The following RNF150 variants were observed in gnomAD, a reference collection of about 807,000 sequenced individuals.
RNF150 encodes ring finger protein 150.
RNF150 carries 24 observed loss-of-function variants against 39.3 expected under a neutral mutation model. The observed-to-expected ratio is 0.61, with a 90% CI of 0.44 to 0.86. RNF150 has a LOEUF of 0.86. Ranked by LOEUF, RNF150 falls within the 40% of genes least tolerant of loss-of-function variation. The pLI is 0.00. For synonymous variants in RNF150, 255 were observed against 227.3 expected (o/e 1.12, Z -1.10); for missense variants, 502 against 587.8 (o/e 0.85, Z 1.51).
At chr4:141,046,729 A>G (rs1736589649) in intron 1 of RNF150, among the ~76,000 whole-genome samples, 1 of 152,130 alleles carries the variant, frequency 6.6e-6, no homozygotes, top group Non-Finnish European at 1.5e-5. Context: ...CATTTATTCC[A>G]TTGATTAGGG....
At chr4:141,118,996 G>C (rs1353552463) in intron 1 of RNF150, among the ~76,000 whole-genome samples, 1 of 152,050 alleles carries the variant, frequency 6.6e-6, no homozygotes, top group African/African-American at 2.4e-5. Flanking sequence ...CCTGACCTCA[G>C]GTGATCCACT....
chr4:141,163,107 C>CTTGG (rs1727542834), intron 1 of RNF150, among the ~76,000 whole-genome samples: 1 of 152,172 alleles, frequency 6.6e-6, no homozygotes, highest in South Asian at 2.1e-4. Context: ...GATGCTCGGG[C>CTTGG]TTGGTTGGGG....
At chr4:141,097,658 T>C (rs1327317740) in intron 1 of RNF150, among the ~76,000 whole-genome samples, 1 of 152,142 alleles carries the variant, frequency 6.6e-6, no homozygotes, top group Non-Finnish European at 1.5e-5. Context: ...AATGATAAAA[T>C]GTTTTAACTT....
chr4:140,891,322 C>CAGT (rs1729745667), intron 6 of RNF150, among the ~76,000 whole-genome samples: 1 of 152,112 alleles, frequency 6.6e-6, no homozygotes, highest in Non-Finnish European at 1.5e-5. Context: ...CAGAAAGAGC[C>CAGT]AGTAGTAAGT....
chr4:140,992,256 G>A (rs1017916295), intron 1 of RNF150, among the ~76,000 whole-genome samples: 4 of 152,192 alleles, frequency 2.6e-5, no homozygotes, highest in East Asian at 1.9e-4. Context: ...AATGCACCCA[G>A]CACTTTGGGA....
At chr4:141,077,124 G>A (rs1161096500) in intron 1 of RNF150, among the ~76,000 whole-genome samples, 1 of 152,160 alleles carries the variant, frequency 6.6e-6, no homozygotes, top group African/African-American at 2.4e-5. Flanking sequence ...AAGGGGGATA[G>A]AAATCAATGT....
intron 4 of RNF150, among the ~76,000 whole-genome samples, chr4:140,937,999 T>A (rs1731922999): frequency 6.6e-6 from 1 of 152,134 alleles, no homozygotes; most frequent in African/African-American, 2.4e-5. Flanking sequence ...CAGGGTAAAA[T>A]CAGGACAGGT....
chr4:140,997,292 T>A (rs77975116), intron 1 of RNF150, among the ~76,000 whole-genome samples: 11,542 of 152,240 alleles, frequency 0.076, 493 homozygotes, highest in Middle Eastern at 0.16. Flanking sequence ...GTATACATAC[T>A]ATCAAATATT....
intron 2 of RNF150, among the ~76,000 whole-genome samples, chr4:140,956,376 G>A (rs1342981552): frequency 6.6e-6 from 1 of 152,112 alleles, no homozygotes; most frequent in Admixed American, 6.6e-5. Context: ...CTTCTGGTGG[G>A]GACAGGAGAA....
At chr4:141,212,075 T>C (rs562847029) in intron 1 of RNF150, among the ~76,000 whole-genome samples, 50 of 152,324 alleles carry the variant, frequency 3.3e-4, no homozygotes, top group Admixed American at 3.9e-4. Context: ...GAGTTCCAGG[T>C]GCTACCAAGA....
intron 4 of RNF150, among the ~76,000 whole-genome samples, chr4:140,939,606 TTGTGTGTGTGTGTGTG>T (rs142516967): frequency 0.19 from 26,328 of 138,378 alleles, 2,518 homozygotes; most frequent in East Asian, 0.41. Context: ...CAAGTGGAGT[TTGTGTGTGTGTGTGTG>T]TGTGTGTGTG....
intron 1 of RNF150, among the ~76,000 whole-genome samples, chr4:141,141,240 T>C (rs991566746): frequency 6.6e-6 from 1 of 152,224 alleles, no homozygotes; most frequent in Non-Finnish European, 1.5e-5. Flanking sequence ...CTGTAAAGTT[T>C]CTCTTCTGTA....
chr4:140,876,319 G>A (rs1729153880), intron 6 of RNF150, among the ~76,000 whole-genome samples: 1 of 152,178 alleles, frequency 6.6e-6, no homozygotes, highest in Non-Finnish European at 1.5e-5. Flanking sequence ...CCTTCAGGCT[G>A]GGGCAGTGTC....
At chr4:140,921,775 CA>C (rs1578968775) in intron 5 of RNF150, among the ~76,000 whole-genome samples, 1 of 152,270 alleles carries the variant, frequency 6.6e-6, no homozygotes, top group East Asian at 1.9e-4. Flanking sequence ...CCACTAAGAT[CA>C]AGTGGGCTTC....
chr4:141,108,348 C>T (rs1739278934), intron 1 of RNF150, among the ~76,000 whole-genome samples: 1 of 152,038 alleles, frequency 6.6e-6, no homozygotes. Flanking sequence ...CAATAAATTC[C>T]ATCTCTCCGT....
chr4:141,208,336 G>A (rs1012572582), intron 1 of RNF150, among the ~76,000 whole-genome samples: 8 of 151,912 alleles, frequency 5.3e-5, no homozygotes, highest in Admixed American at 3.3e-4. Flanking sequence ...CCATTGCATT[G>A]ATACCCATAG....
rs572472105 is a variant in RNF150, at chr4:141,152,502, TTTATTTTA to T, written c.-6+60284_-6+60291del. Among the ~76,000 whole-genome samples, 574 of 152,292 alleles carry T rather than the reference TTTATTTTA, an allele frequency of 3.8e-3. 2 individuals carry two copies. Among genetic ancestry groups the T allele is most frequent in the Non-Finnish European group, 6.8e-3 (463 of 68,030 alleles). Reference sequence around the variant, plus strand: ...CAAAACATAAAGTGCCATCCATGTATTTATTTTATTATTTTATTATTTATTTGCATGAA... The same window carrying T: ...CAAAACATAAAGTGCCATCCATGTATTTATTTTATTATTTATTTGCATGAA... On this transcript the variant is annotated intron_variant, in intron 1 of 7. Transcript: ENST00000420921.
At chr4:141,019,192 A>C (rs757592112) in intron 1 of RNF150, among the ~76,000 whole-genome samples, 33 of 151,432 alleles carry the variant, frequency 2.2e-4, no homozygotes, top group Non-Finnish European at 5.9e-5. Context: ...TAACATTTTA[A>C]TCTTGTTTAT....
Position 140,962,094 on chromosome 4 carries a change from C to A in RNF150, c.735+5529G>T, listed in dbSNP as rs574128249. Among the ~76,000 whole-genome samples the A allele has an allele frequency of 5.3e-3, 805 of 151,048 alleles. 8 individuals are homozygous for A. Among genetic ancestry groups the A allele is most frequent in the Non-Finnish European group, 9.0e-3 (607 of 67,518 alleles). ...CTCTCTCTCTCTACTCTCTCTCTCT[C>A]TACACACACGCGCGCACACACACAC... On this transcript the variant is annotated intron_variant, in intron 2 of 6. Coordinates refer to ENST00000515673, the MANE Select transcript of RNF150 (RefSeq NM_020724.2).
Sources: gnomAD v4.1 joint callset for allele counts (sites outside exome capture counted in the v4.1 genomes callset) on GRCh38, gnomAD v4.1.1 for gene constraint, MANE v1.5 for transcripts, NCBI Gene and HGNC (gene_info 2026-07-23, HGNC 2026-07-21) for gene names.